Variants in MTDH observed in about 807,000 individuals in gnomAD.
MTDH encodes protein LYRIC.
A neutral mutation model predicts 72.7 loss-of-function variants in MTDH; 34 were observed. That is an observed-to-expected ratio of 0.47 (90% CI 0.36 to 0.62). MTDH has a LOEUF of 0.62. Among genes scored for constraint, MTDH ranks in the 20% least tolerant of loss-of-function variants. The pLI is 0.00. For synonymous variants in MTDH, 266 were observed against 268.9 expected (o/e 0.99, Z 0.10); for missense variants, 677 against 699.4 (o/e 0.97, Z 0.36).
At position 97,697,026 on chromosome 8, in the gene MTDH, G is replaced by A. The variant is rs150914803; in HGVS notation, c.1049-2728G>A. Among the ~76,000 whole-genome samples, 776 of 148,704 alleles carry A rather than the reference G, an allele frequency of 5.2e-3. 5 individuals carry two copies. Among genetic ancestry groups the A allele is most frequent in the African/African-American group, 0.017 (686 of 40,110 alleles). ...CTCAGGAGGCTGTGGTGGGAGGATCGCATTAGTCCAGGAGGTTGAAGCTAC... is the reference window on the plus strand; with the variant it reads ...CTCAGGAGGCTGTGGTGGGAGGATCACATTAGTCCAGGAGGTTGAAGCTAC... On this transcript the variant is annotated intron_variant, in intron 6 of 11. Coordinates refer to ENST00000336273, the MANE Select transcript of MTDH (RefSeq NM_178812.4).
rs1811472235 is a variant in MTDH at position 97,644,424 on chromosome 8, G to A, written c.-83G>A. 1.3e-6 allele frequency: 2 copies of A among 1,483,564 alleles called. No homozygotes were observed. The highest frequency in any genetic ancestry group is 1.5e-5 in the African/African-American group (1 of 68,474). The allele number at this position is 1,483,564 out of a possible 1,614,324, so 91.9% of individuals were successfully genotyped here. A position where few individuals can be genotyped will look rare whatever the true frequency, so the allele number is the denominator to read the frequency against. On this transcript the variant is annotated 5_prime_UTR_variant, in exon 1 of 12. Transcript: ENST00000336273. ...CGCTCGGCCTGAGGTTACCCGGCCC[G>A]GCCCTTCCTCGCTTCCCTCGACTAT...
intron 11 of MTDH, among the ~76,000 whole-genome samples, chr8:97,723,330 A>G (rs896406158): frequency 2.7e-4 from 40 of 147,008 alleles, no homozygotes; most frequent in Middle Eastern, 3.9e-3. Context: ...CCCGGGAGGC[A>G]GAGCTTGCAG....
At chr8:97,674,619 G>A (rs983971491) in intron 2 of MTDH, among the ~76,000 whole-genome samples, 8 of 152,068 alleles carry the variant, frequency 5.3e-5, no homozygotes, top group African/African-American at 1.9e-4. Flanking sequence ...TGACTCTAAA[G>A]CAATTTTAAT....
rs1811463666 is a variant in MTDH, at chr8:97,644,254, G to C, written c.-253G>C. On this transcript the variant is annotated 5_prime_UTR_variant, in exon 1 of 12. Coordinates refer to ENST00000336273, the MANE Select transcript of MTDH (RefSeq NM_178812.4). ...GGCGCCGAGACGCCGCTTAGCGGCC[G>C]CCACTGGAGACACTCCCTCCCGCCT... 2.0e-6 allele frequency: 1 copy of C among 500,252 alleles called. No homozygotes were observed. The highest frequency in any genetic ancestry group is 2.0e-5 in the African/African-American group (1 of 48,882). The allele number at this position is 500,252 out of a possible 1,614,324, so 31.0% of individuals were successfully genotyped here.
chr8:97,693,374 T>C (rs1813695979), intron 6 of MTDH, among the ~76,000 whole-genome samples: 1 of 152,262 alleles, frequency 6.6e-6, no homozygotes, highest in Non-Finnish European at 1.5e-5. Context: ...TCTCGCTCTG[T>C]CGCCCAGGCT....
chr8:97,683,445 G>A (rs574477953), intron 2 of MTDH, among the ~76,000 whole-genome samples: 158 of 151,994 alleles, frequency 1.0e-3, no homozygotes, highest in Middle Eastern at 6.8e-3. Context: ...ACCCAGGCTG[G>A]AATACAGTGA....
intron 1 of MTDH, among the ~76,000 whole-genome samples, chr8:97,646,218 TCA>T (rs370940233): frequency 4.3e-4 from 65 of 152,282 alleles, no homozygotes; most frequent in African/African-American, 1.4e-3. Flanking sequence ...ATGTGACAGG[TCA>T]CAGTTAGTGC....
Position 97,728,641 on chromosome 8 carries a change from G to C in MTDH, c.*3971G>C, listed in dbSNP as rs1815443779. ...GTACAAGATAGAAGTTTGCTTCTCA[G>C]CTGGGCATGGTGGCTCATGCCTGTA... On this transcript the variant is annotated 3_prime_UTR_variant, in exon 12 of 12. Transcript: ENST00000336273. 6.6e-6 allele frequency: 1 copy of C among 151,854 alleles called. No homozygotes were observed. Among genetic ancestry groups the C allele is most frequent in the African/African-American group, 2.4e-5 (1 of 41,336 alleles). 9.4% of individuals were successfully genotyped at this position (151,854 alleles called of 1,614,324 possible).
intron 2 of MTDH, among the ~76,000 whole-genome samples, chr8:97,682,641 A>G (rs1010968127): frequency 4.6e-5 from 7 of 151,962 alleles, no homozygotes; most frequent in African/African-American, 1.7e-4. Context: ...ATATCAAATA[A>G]TATTTAAGCC....
intron 2 of MTDH, among the ~76,000 whole-genome samples, chr8:97,680,619 A>G (rs1313828479): frequency 2.6e-5 from 4 of 152,236 alleles, no homozygotes; most frequent in Non-Finnish European, 5.9e-5. Flanking sequence ...TGTATTATGT[A>G]TATGAGATGG....
intron 2 of MTDH, among the ~76,000 whole-genome samples, chr8:97,670,952 G>GTTTTTTT (rs1160758851): frequency 9.1e-4 from 71 of 78,000 alleles, no homozygotes; most frequent in African/African-American, 1.0e-3. Flanking sequence ...TGTTGTTGTT[G>GTTTTTTT]TTTTTTTTTT....
At chr8:97,675,475 G>A (rs1420357413) in intron 2 of MTDH, among the ~76,000 whole-genome samples, 2 of 151,190 alleles carry the variant, frequency 1.3e-5, no homozygotes, top group Non-Finnish European at 2.9e-5. Flanking sequence ...GCACAAGATT[G>A]CTTGAACCCA....
At chr8:97,677,564 C>T (rs999386772) in intron 2 of MTDH, among the ~76,000 whole-genome samples, 1 of 151,598 alleles carries the variant, frequency 6.6e-6, no homozygotes, top group African/African-American at 2.4e-5. Context: ...AGAACTCTAT[C>T]AGCTACATCA....
intron 1 of MTDH, among the ~76,000 whole-genome samples, chr8:97,660,426 A>G (rs1385875133): frequency 2.0e-5 from 3 of 152,188 alleles, no homozygotes; most frequent in Non-Finnish European, 4.4e-5. Flanking sequence ...GGCTGCTTTT[A>G]TGCTACAATG....
At position 97,682,249 on chromosome 8, in the gene MTDH, TATATATATATATATA is replaced by T. The variant is rs1813137478; in HGVS notation, c.484-4418_484-4404del. Among the ~76,000 whole-genome samples, 5 of 5,940 alleles carry T rather than the reference TATATATATATATATA, an allele frequency of 8.4e-4. 1 individual carries two copies. The highest frequency in any genetic ancestry group is 8.3e-3 in the East Asian group (2 of 240). 3.9% of individuals were successfully genotyped at this position (5,940 alleles called of 152,430 possible). On this transcript the variant is annotated intron_variant, in intron 2 of 11. Transcript: ENST00000336273. ...ATTACTTTATATATATATATATATA[TATATATATATATATA>T]TATATATATATATATATTTTTTTTT... is the stretch of plus-strand genomic sequence containing the variant.
At chr8:97,670,914 G>C (rs998485540) in intron 2 of MTDH, among the ~76,000 whole-genome samples, 1 of 150,030 alleles carries the variant, frequency 6.7e-6, no homozygotes, top group Non-Finnish European at 1.5e-5. Context: ...CCACTGCCAC[G>C]CCTGGCTAAT....
intron 2 of MTDH, among the ~76,000 whole-genome samples, chr8:97,668,869 A>C (rs1324776382): frequency 6.6e-6 from 1 of 151,788 alleles, no homozygotes; most frequent in African/African-American, 2.4e-5. Flanking sequence ...AACAACTTTT[A>C]TAAAGTTATG....
intron 2 of MTDH, among the ~76,000 whole-genome samples, chr8:97,666,663 C>A (rs577618367): frequency 3.5e-4 from 54 of 152,294 alleles, no homozygotes; most frequent in African/African-American, 1.3e-3. Flanking sequence ...TTATCATGAA[C>A]CAAGGCAGTG....
chr8:97,644,426 C>A lies in MTDH; in HGVS notation c.-81C>A. 1 of 1,485,610 alleles carries A rather than the reference C, an allele frequency of 6.7e-7. No homozygotes were observed. The highest frequency in any genetic ancestry group is 8.9e-7 in the Non-Finnish European group (1 of 1,124,238). The allele number at this position is 1,485,610 out of a possible 1,614,324, so 92.0% of individuals were successfully genotyped here. Reference sequence around the variant, plus strand: ...CTCGGCCTGAGGTTACCCGGCCCGGCCCTTCCTCGCTTCCCTCGACTATTC... The same window carrying A: ...CTCGGCCTGAGGTTACCCGGCCCGGACCTTCCTCGCTTCCCTCGACTATTC... On this transcript the variant is annotated 5_prime_UTR_variant, in exon 1 of 12. Transcript: ENST00000336273.
Sources: gnomAD v4.1 joint callset for allele counts (sites outside exome capture counted in the v4.1 genomes callset) on GRCh38, gnomAD v4.1.1 for gene constraint, MANE v1.5 for transcripts, NCBI Gene and HGNC (gene_info 2026-07-23, HGNC 2026-07-21) for gene names.